Variants in TBC1D2 observed in about 807,000 individuals in gnomAD.
TBC1D2 encodes TBC1 domain family member 2A.
In TBC1D2, 58 loss-of-function variants were observed where a neutral mutation model predicts 91.1. The ratio of observed to expected loss-of-function variants is 0.64; its 90% CI spans 0.52 to 0.79. TBC1D2 has a LOEUF of 0.79. Ranked by LOEUF, TBC1D2 falls within the 30% of genes least tolerant of loss-of-function variation. The pLI is 0.00. For missense variants in TBC1D2, 1,080 were observed against 1,208.3 expected, an observed-to-expected ratio of 0.89 and a Z score of 1.57; for synonymous variants, 482 against 511.5, an observed-to-expected ratio of 0.94 and a Z score of 0.78.
rs145715653 is a variant in TBC1D2 at position 98,222,399 on chromosome 9, C to G, written c.979-1171G>C. Among the ~76,000 whole-genome samples, 62 of 152,322 alleles carry G rather than the reference C, an allele frequency of 4.1e-4. 1 individual carries two copies. Among genetic ancestry groups the G allele is most frequent in the African/African-American group, 1.3e-3 (55 of 41,578 alleles). ...CCACACACAGAGGACCTCATTCAAGCCATTTGTGCCTAGTTACCTTCAGCC... is the reference window on the plus strand; with the variant it reads ...CCACACACAGAGGACCTCATTCAAGGCATTTGTGCCTAGTTACCTTCAGCC... On this transcript the variant is annotated intron_variant, in intron 5 of 12. Coordinates refer to ENST00000465784, the MANE Select transcript of TBC1D2 (RefSeq NM_001267571.2).
intron 6 of TBC1D2, among the ~76,000 whole-genome samples, chr9:98,220,324 C>A (rs1025754418): frequency 1.3e-5 from 2 of 152,230 alleles, no homozygotes; most frequent in Non-Finnish European, 2.9e-5. Context: ...TGTGGCGATG[C>A]ACCCACCGAG....
intron 9 of TBC1D2, among the ~76,000 whole-genome samples, chr9:98,205,804 C>CA (rs1491162890): frequency 6.6e-6 from 1 of 152,142 alleles, no homozygotes; most frequent in Non-Finnish European, 1.5e-5. Flanking sequence ...TCAAGGGATC[C>CA]ACCCACCTCG....
At chr9:98,240,685 T>C (rs1223713250) in intron 3 of TBC1D2, among the ~76,000 whole-genome samples, 3 of 152,116 alleles carry the variant, frequency 2.0e-5, no homozygotes, top group Admixed American at 6.6e-5. Flanking sequence ...CTGGGTCTGA[T>C]AAGCAGTCAC....
intron 11 of TBC1D2, 55 bp from the exon 12 acceptor site, chr9:98,200,429 C>G: frequency 1.3e-6 from 2 of 1,541,654 alleles, no homozygotes; most frequent in Non-Finnish European, 1.8e-6. Flanking sequence ...CAGGTCATCC[C>G]CGGAGGGAGG....
intron 3 of TBC1D2, 80 bp from the exon 4 acceptor site, chr9:98,233,629 G>T: frequency 6.4e-7 from 1 of 1,567,602 alleles, no homozygotes. Context: ...ACCACTGCTG[G>T]AGCTCAGGTC....
At chr9:98,226,119 C>T (rs147045936) in intron 5 of TBC1D2, among the ~76,000 whole-genome samples, 85 of 152,326 alleles carry the variant, frequency 5.6e-4, no homozygotes, top group African/African-American at 1.9e-3. Flanking sequence ...ACTGGGCACC[C>T]AGAAGTTGTG....
At chr9:98,205,821 C>T (rs528970750) in intron 9 of TBC1D2, among the ~76,000 whole-genome samples, 8 of 152,282 alleles carry the variant, frequency 5.3e-5, no homozygotes, top group Admixed American at 1.3e-4. Flanking sequence ...CTCGGCCCCT[C>T]AAAATGCGGG....
At chr9:98,251,732 G>C in intron 2 of TBC1D2, 53 bp downstream of exon 2, 1 of 1,511,118 alleles carries the variant, frequency 6.6e-7, no homozygotes, top group Non-Finnish European at 8.8e-7. Context: ...GAGGGTAAAG[G>C]CTTAATCACC....
At chr9:98,240,876 T>C (rs1405248412) in intron 3 of TBC1D2, among the ~76,000 whole-genome samples, 2 of 152,214 alleles carry the variant, frequency 1.3e-5, no homozygotes, top group African/African-American at 4.8e-5. Context: ...TTATCAACTT[T>C]GCTTGGAGCA....
chr9:98,204,634 A>G (rs1184299192), intron 9 of TBC1D2, among the ~76,000 whole-genome samples: 3 of 152,198 alleles, frequency 2.0e-5, no homozygotes, highest in African/African-American at 4.8e-5. Flanking sequence ...TTGAATCTCA[A>G]AAGAAAAAAG....
In TBC1D2 at chr9:98,209,017, G is replaced by C; in HGVS notation, c.1801C>G (p.Pro601Ala). 1 of 1,614,136 alleles carries C rather than the reference G, an allele frequency of 6.2e-7. No homozygotes were observed. Among genetic ancestry groups the C allele is most frequent in the South Asian group, 1.1e-5 (1 of 91,084 alleles). Residue 601 changes from proline (P) to alanine (A), a missense_variant, in exon 9 of 13, where the codon CCG becomes GCG. Pro to Ala is a conservative substitution (Grantham distance 27, BLOSUM62 -1). Coordinates refer to ENST00000465784, the MANE Select transcript of TBC1D2 (RefSeq NM_001267571.2). ...AGGGCAGCCCAGCGCTCCCTCAGCG[G>C]CCGATCCACAGCCTCGAGGCCCAGC... ...HLLGLEAVDRPLRERWAALGD... is the reference protein window; with the variant it reads ...HLLGLEAVDRALRERWAALGD...
intron 8 of TBC1D2, among the ~76,000 whole-genome samples, chr9:98,209,549 C>T (rs975400631): frequency 3.9e-5 from 6 of 152,142 alleles, no homozygotes; most frequent in South Asian, 2.1e-4. Context: ...CAGGGGTGGA[C>T]GGGGAACAGA....
intron 2 of TBC1D2, 150 bp from the exon 3 acceptor site, chr9:98,244,279 C>T: frequency 9.9e-7 from 1 of 1,006,990 alleles, no homozygotes; most frequent in Non-Finnish European, 1.5e-6. Context: ...AGGTTAACAG[C>T]AGCAAAATAG....
At chr9:98,211,045 C>G (rs1828824684) in intron 7 of TBC1D2, among the ~76,000 whole-genome samples, 1 of 152,220 alleles carries the variant, frequency 6.6e-6, no homozygotes, top group Admixed American at 6.5e-5. Context: ...GGCCCAGGCC[C>G]AGGTTGGAGC....
chr9:98,223,574 A>T (rs1829150680), intron 5 of TBC1D2, among the ~76,000 whole-genome samples: 2 of 152,226 alleles, frequency 1.3e-5, no homozygotes, highest in Admixed American at 6.5e-5. Context: ...GGAAATAACC[A>T]ACAGACATCA....
chr9:98,255,105 C>T (rs1182493307), intron 1 of TBC1D2, 68 bp downstream of exon 1: 4 of 1,531,382 alleles, frequency 2.6e-6, no homozygotes, highest in Non-Finnish European at 3.5e-6. Flanking sequence ...CACACTCGCG[C>T]CCAGCCTTGC....
intron 3 of TBC1D2, among the ~76,000 whole-genome samples, chr9:98,241,460 T>C (rs934492539): frequency 9.9e-5 from 15 of 152,272 alleles, no homozygotes; most frequent in African/African-American, 3.6e-4. Context: ...GCAGCTCTCA[T>C]CTCACCAAGT....
chr9:98,201,755 A>G, intron 10 of TBC1D2, 91 bp from the exon 11 acceptor site: 1 of 1,334,062 alleles, frequency 7.5e-7, no homozygotes, highest in Non-Finnish European at 1.0e-6. Context: ...CAGTCCACAC[A>G]CAATCCTGAA....
At chr9:98,215,310 A>G (rs1380151852) in intron 6 of TBC1D2, among the ~76,000 whole-genome samples, 1 of 152,218 alleles carries the variant, frequency 6.6e-6, no homozygotes, top group African/African-American at 2.4e-5. Flanking sequence ...TTATGAATAC[A>G]GAGGCTGTGC....
Sources: gnomAD v4.1 joint callset for allele counts (sites outside exome capture counted in the v4.1 genomes callset) on GRCh38, gnomAD v4.1.1 for gene constraint, MANE v1.5 for transcripts, NCBI Gene and HGNC (gene_info 2026-07-23, HGNC 2026-07-21) for gene names.